FAM107A: variants seen among roughly 807,000 people sequenced by gnomAD.
FAM107A encodes the protein family with sequence similarity 107 member A.
Under a neutral mutation model 13.7 loss-of-function variants are expected in FAM107A, and 19 were observed. The ratio of observed to expected loss-of-function variants is 1.38; its 90% CI spans 0.97 to 2.03. The LOEUF (loss-of-function observed/expected upper bound fraction) is 2.03, where lower values mean the gene tolerates loss of function less well. Ranked by LOEUF, FAM107A falls within the 30% of genes most tolerant of loss-of-function variation. The pLI is 0.00. For synonymous variants in FAM107A, 82 were observed against 74.5 expected, an observed-to-expected ratio of 1.10 and a Z score of -0.52; for missense variants, 203 against 184.4, an observed-to-expected ratio of 1.10 and a Z score of -0.58.
intron 1 of FAM107A, among the ~76,000 whole-genome samples, chr3:58,621,789 G>C (rs1207527092): frequency 1.3e-5 from 2 of 152,216 alleles, no homozygotes; most frequent in African/African-American, 2.4e-5. Context: ...GTTGCAGGGT[G>C]GTGGGGAGAA....
intron 1 of FAM107A, among the ~76,000 whole-genome samples, chr3:58,612,878 C>T (rs2065867150): frequency 6.7e-6 from 1 of 148,596 alleles, no homozygotes; most frequent in Non-Finnish European, 1.5e-5. Context: ...CATCTTTATG[C>T]ACAGTTTGGA....
At position 58,565,927 on chromosome 3, in the gene FAM107A, G is replaced by A. The variant is rs1459410558; in HGVS notation, c.*661C>T. On this transcript the variant is annotated 3_prime_UTR_variant, in exon 4 of 4. Coordinates refer to ENST00000360997, the MANE Select transcript of FAM107A (RefSeq NM_001076778.3). The stretch of plus-strand genomic sequence containing the variant: ...TGCAGACTTCTGAGTGCAGGAATGC[G>A]GCAGCCCTGGGTAGGTGTGGTTAGA... 1 of 152,220 alleles carries A rather than the reference G, an allele frequency of 6.6e-6. No individual in the cohort carries two copies. Among genetic ancestry groups the A allele is most frequent in the East Asian group, 1.9e-4 (1 of 5,194 alleles). 9.4% of individuals were successfully genotyped at this position (152,220 alleles called of 1,614,324 possible).
At chr3:58,579,378 T>G (rs575786950), upstream of FAM107A, among the ~76,000 whole-genome samples, 28 of 152,218 alleles carry the variant, frequency 1.8e-4, no homozygotes, top group African/African-American at 6.3e-4. Context: ...GGTCCTAAAT[T>G]CTTGGGTATA....
chr3:58,578,347 C>G (rs949157840), upstream of FAM107A, among the ~76,000 whole-genome samples: 1 of 152,144 alleles, frequency 6.6e-6, no homozygotes, highest in African/African-American at 2.4e-5. Context: ...GTAGGCAGAT[C>G]ATTTGAGGTC....
chr3:58,621,057 G>GT (rs955594640), intron 1 of FAM107A, among the ~76,000 whole-genome samples: 2 of 152,168 alleles, frequency 1.3e-5, no homozygotes, highest in Admixed American at 6.5e-5. Context: ...AGTGAAGGAG[G>GT]TGGCGGCATG....
chr3:58,568,408 C>T (rs141894614), intron 2 of FAM107A, among the ~76,000 whole-genome samples: 5 of 150,846 alleles, frequency 3.3e-5, no homozygotes, highest in Non-Finnish European at 7.4e-5. Context: ...GCACTCCAGC[C>T]TGGGCGACAG....
chr3:58,593,883 G>A (rs1005842110), intron 1 of FAM107A, among the ~76,000 whole-genome samples: 1 of 151,942 alleles, frequency 6.6e-6, no homozygotes. Context: ...TGGATTTGTT[G>A]AGAACTGCCC....
At position 58,566,712 on chromosome 3, in the gene FAM107A, C is replaced by A; in HGVS notation, c.328-17G>T. On this transcript the variant is annotated splice_polypyrimidine_tract_variant and intron_variant, in intron 3 of 3. Coordinates refer to ENST00000360997, the MANE Select transcript of FAM107A (RefSeq NM_001076778.3). ...TTTTTCCAGCTGAAGGAGGGAGAAGCAGAGAGTGAAGTGGGTGGAGCTAGG... is the reference window on the plus strand; with the variant it reads ...TTTTTCCAGCTGAAGGAGGGAGAAGAAGAGAGTGAAGTGGGTGGAGCTAGG... The A allele has an allele frequency of 1.9e-6, 3 of 1,592,044 alleles. No individual in the cohort carries two copies. The highest frequency in any genetic ancestry group is 1.7e-6 in the Non-Finnish European group (2 of 1,160,230).
Position 58,567,364 on chromosome 3 carries a change from C to T in FAM107A, c.171G>A (p.Arg57=), listed in dbSNP as rs1388736604. ...LHRELLMNHR[R]GLGVDSKPEL... ...CTGGCTTGCTGTCCACACCAAGGCC[C>T]CTGGGGTGGGAAGTGGGGAGCTGTC... is the stretch of plus-strand genomic sequence containing the variant. Residue 57 remains arginine (R), a splice_region_variant and synonymous_variant, in exon 3 of 4, where the codon AGG becomes AGA. Coordinates refer to ENST00000360997, the MANE Select transcript of FAM107A (RefSeq NM_001076778.3). The T allele has an allele frequency of 1.2e-6, 2 of 1,609,168 alleles. No homozygotes were observed. The highest frequency in any genetic ancestry group is 1.7e-6 in the Non-Finnish European group (2 of 1,178,274).
intron 1 of FAM107A, among the ~76,000 whole-genome samples, chr3:58,598,364 T>C (rs2065724462): frequency 6.6e-6 from 1 of 152,162 alleles, no homozygotes; most frequent in African/African-American, 2.4e-5. Flanking sequence ...GGGCACTGTT[T>C]TCTATCAAAG....
At position 58,627,207 on chromosome 3, in the gene FAM107A, A is replaced by G. The variant is rs897937098; in HGVS notation, c.-70+209T>C. 3.0e-5 allele frequency: 17 copies of G among 568,666 alleles called. No homozygotes were observed. The East Asian group carries it at 4.6e-4, about 15-fold the overall frequency. 35.2% of individuals were successfully genotyped at this position (568,666 alleles called of 1,614,324 possible). A position where few individuals can be genotyped will look rare whatever the true frequency, so the allele number is the denominator to read the frequency against. The stretch of plus-strand genomic sequence containing the variant: ...CAGGCTTAGGGCGATTGATCCTGAC[A>G]GAGGGGCCAGTGTCCCCAGGCGGCT... On this transcript the variant is annotated intron_variant, in intron 1 of 3. Transcript: ENST00000465970.
intron 1 of FAM107A, among the ~76,000 whole-genome samples, chr3:58,625,660 C>T (rs772542743): frequency 1.6e-4 from 24 of 152,338 alleles, no homozygotes; most frequent in Non-Finnish European, 2.6e-4. Flanking sequence ...TGCTGCTCAG[C>T]ATAAATTTCT....
intron 3 of FAM107A, chr3:58,566,969 A>G: frequency 1.6e-6 from 1 of 612,360 alleles, no homozygotes; most frequent in East Asian, 2.7e-5. Flanking sequence ...TAAGAATGAA[A>G]TCAGAATCAG....
chr3:58,586,980 G>A, exon 1 of FAM107A: 1 of 1,495,144 alleles, frequency 6.7e-7, no homozygotes, highest in Non-Finnish European at 8.9e-7. Context: ...CTGGCCCCGC[G>A]AGCGCACAGC....
intron 1 of FAM107A, among the ~76,000 whole-genome samples, chr3:58,598,047 T>C (rs940350267): frequency 2.6e-5 from 4 of 152,152 alleles, no homozygotes; most frequent in Non-Finnish European, 5.9e-5. Context: ...ATATATGTAA[T>C]GCAGAGCCCT....
intron 1 of FAM107A, among the ~76,000 whole-genome samples, chr3:58,592,557 G>T (rs1305282199): frequency 1.3e-5 from 2 of 152,078 alleles, no homozygotes; most frequent in Admixed American, 1.3e-4. Context: ...CCTCGGTTTG[G>T]CCTTCCCACC....
upstream of FAM107A, among the ~76,000 whole-genome samples, chr3:58,591,706 C>A (rs1237418185): frequency 6.6e-6 from 1 of 152,202 alleles, no homozygotes; most frequent in African/African-American, 2.4e-5. The surrounding 1 kb of genome is among the most constrained non-coding windows in gnomAD (Gnocchi z 4.3). Context: ...GCTCCCGTAG[C>A]ATGCAGACTT....
At chr3:58,592,227 C>T (rs2065659970) in intron 1 of FAM107A, among the ~76,000 whole-genome samples, 1 of 152,180 alleles carries the variant, frequency 6.6e-6, no homozygotes, top group Admixed American at 6.5e-5. Flanking sequence ...CTAGAGAATC[C>T]AGAAGGGATC....
intron 1 of FAM107A, among the ~76,000 whole-genome samples, chr3:58,602,384 G>C (rs1480711642): frequency 6.6e-6 from 1 of 152,202 alleles, no homozygotes; most frequent in Non-Finnish European, 1.5e-5. Flanking sequence ...GATAGTACAG[G>C]TGTCCTGCAG....
Sources: allele counts gnomAD v4.1 joint callset (sites outside exome capture counted in the v4.1 genomes callset), GRCh38; gene constraint gnomAD v4.1.1; non-coding constraint Gnocchi (gnomAD v3.1); transcripts MANE v1.5; gene names NCBI Gene and HGNC (gene_info 2026-07-23, HGNC 2026-07-21).